PIWIL3: variants seen among roughly 807,000 people sequenced by gnomAD.
PIWIL3 encodes the protein piwi-like protein 3.
A neutral mutation model predicts 109.7 loss-of-function variants in PIWIL3; 101 were observed. That is an observed-to-expected ratio of 0.92 (90% CI 0.78 to 1.09). The LOEUF is 1.09. PIWIL3 is among the 50% of genes least tolerant of loss of function. The pLI is 0.00. For synonymous variants in PIWIL3, 373 were observed against 376.4 expected, an observed-to-expected ratio of 0.99 and a Z score of 0.10; for missense variants, 1,031 against 1,072.6, an observed-to-expected ratio of 0.96 and a Z score of 0.54.
intron 1 of PIWIL3, among the ~76,000 whole-genome samples, chr22:24,765,431 G>GT (rs1925730451): frequency 6.6e-6 from 1 of 152,210 alleles, no homozygotes; most frequent in Non-Finnish European, 1.5e-5. Context: ...CAGTGTTTTG[G>GT]TTCAGACACC....
rs1356397807 is a variant in PIWIL3 at position 24,763,139 on chromosome 22, CTT to C, written c.-22-620_-22-619del. ...ATAAAAGACAGGAGACCTGGTAAAA[CTT>C]TTTTTTCTTTTTTTTTTTTTTGAGA... On this transcript the variant is annotated intron_variant, in intron 1 of 20. Coordinates refer to ENST00000616349, the MANE Select transcript of PIWIL3 (RefSeq NM_001255975.1). Among the ~76,000 whole-genome samples, 6 of 128,564 alleles carry C rather than the reference CTT, an allele frequency of 4.7e-5. No homozygotes were observed. In the South Asian group the frequency reaches 1.6e-3, roughly 35 times the overall value. The allele number at this position is 128,564 out of a possible 152,430, so 84.3% of individuals were successfully genotyped here. A position where few individuals can be genotyped will look rare whatever the true frequency, so the allele number is the denominator to read the frequency against.
intron 5 of PIWIL3, 114 bp from the exon 6 acceptor site, chr22:24,756,019 G>C (rs1471066322): frequency 1.1e-5 from 13 of 1,139,810 alleles, no homozygotes; most frequent in Non-Finnish European, 1.6e-5. Context: ...TCGTGATGGA[G>C]CAGTCTTTCC....
chr22:24,739,517 T>C (rs1448897350), intron 12 of PIWIL3, among the ~76,000 whole-genome samples: 1 of 151,750 alleles, frequency 6.6e-6, no homozygotes, highest in African/African-American at 2.4e-5. Flanking sequence ...GCCATACAGA[T>C]CAGAAGAGAG....
At chr22:24,740,084 T>G (rs1000228458) in intron 12 of PIWIL3, among the ~76,000 whole-genome samples, 2 of 148,938 alleles carry the variant, frequency 1.3e-5, no homozygotes, top group Admixed American at 6.7e-5. Context: ...CCGGGCATGG[T>G]GACAGGCACC....
At chr22:24,743,683 G>T (rs577691799) in intron 12 of PIWIL3, among the ~76,000 whole-genome samples, 3 of 152,080 alleles carry the variant, frequency 2.0e-5, no homozygotes, top group Non-Finnish European at 2.9e-5. Flanking sequence ...GGATGGGAGG[G>T]GGTGATGGAT....
intron 6 of PIWIL3, 31 bp downstream of exon 6, chr22:24,755,753 G>A: frequency 6.2e-7 from 1 of 1,612,558 alleles, no homozygotes; most frequent in Non-Finnish European, 8.5e-7. Context: ...AACCGAATGA[G>A]TATCAAAGAA....
rs1924868887 is a variant in PIWIL3, at chr22:24,754,077, G to T, written c.914C>A (p.Ala305Asp). ...TTCCTCTCGGATGTTTCCTGTCTGG[G>T]CCTGGGCAGATGTTCTCTTTATGAA... ...YDFIKRTSAQAQTGNIREEVT... is the reference protein window; with the variant it reads ...YDFIKRTSAQDQTGNIREEVT... The change falls in exon 8 of 21, where the codon GCC (alanine) becomes GAC (aspartate). Residue 305 changes from alanine to aspartate, a missense_variant. Physicochemically the swap from Ala to Asp is moderately radical, Grantham distance 126. Coordinates refer to ENST00000616349, the MANE Select transcript of PIWIL3 (RefSeq NM_001255975.1). 2 of 1,612,912 alleles carry T rather than the reference G, an allele frequency of 1.2e-6. No homozygotes were observed. Among genetic ancestry groups the T allele is most frequent in the Admixed American group, 1.7e-5 (1 of 60,018 alleles).
At chr22:24,764,958 C>T (rs1925703014) in intron 1 of PIWIL3, among the ~76,000 whole-genome samples, 1 of 152,042 alleles carries the variant, frequency 6.6e-6, no homozygotes, top group Non-Finnish European at 1.5e-5. Flanking sequence ...GGGAGAGAGG[C>T]AACAAGTCTT....
chr22:24,766,299 T>TTTTTTGTTTTGTTTTGTTTTG (rs1396180185), intron 1 of PIWIL3, among the ~76,000 whole-genome samples: 12 of 151,470 alleles, frequency 7.9e-5, no homozygotes, highest in African/African-American at 2.4e-4. Context: ...GGTTTTTTGT[T>TTTTTTGTTTTGTTTTGTTTTG]TTTTTGTTTT....
At chr22:24,733,293 A>G (rs747241898) in intron 14 of PIWIL3, among the ~76,000 whole-genome samples, 1 of 152,226 alleles carries the variant, frequency 6.6e-6, no homozygotes, top group Non-Finnish European at 1.5e-5. Flanking sequence ...TAAAGAGCCC[A>G]AGAAAGAAAA....
rs572968539 is a variant in PIWIL3 at position 24,759,148 on chromosome 22, C to G, written c.223+721G>C. Among the ~76,000 whole-genome samples, 141 of 152,336 alleles carry G rather than the reference C, an allele frequency of 9.3e-4. 1 individual carries two copies. The highest frequency in any genetic ancestry group is 3.3e-3 in the African/African-American group (137 of 41,562). ...GCCTCAAGTGATCCACCCACCCGGG[C>G]CTCCCAAAGTGCTGATGTGAGCCAC... On this transcript the variant is annotated intron_variant, in intron 3 of 20. Coordinates refer to ENST00000616349, the MANE Select transcript of PIWIL3 (RefSeq NM_001255975.1).
intron 14 of PIWIL3, among the ~76,000 whole-genome samples, chr22:24,730,510 A>T (rs1426700271): frequency 2.0e-5 from 3 of 152,196 alleles, no homozygotes; most frequent in Non-Finnish European, 4.4e-5. Flanking sequence ...ACACACACAC[A>T]GTAGCTGCCA....
intron 13 of PIWIL3, among the ~76,000 whole-genome samples, chr22:24,734,430 G>A (rs1159539710): frequency 6.6e-6 from 1 of 152,180 alleles, no homozygotes; most frequent in Non-Finnish European, 1.5e-5. Flanking sequence ...GAGAGGTGAG[G>A]ACACAGGGCA....
At chr22:24,751,320 A>T (rs952295825) in intron 9 of PIWIL3, 67 bp downstream of exon 9, 1 of 1,454,292 alleles carries the variant, frequency 6.9e-7, no homozygotes, top group African/African-American at 1.4e-5. Context: ...CAAGTAGCTA[A>T]ATAACACAAA....
At chr22:24,748,759 AGT>A in intron 12 of PIWIL3, 146 bp downstream of exon 12, 1 of 596,644 alleles carries the variant, frequency 1.7e-6, no homozygotes, top group Non-Finnish European at 2.9e-6. Flanking sequence ...ATTCATTCTT[AGT>A]GTTTCTTATT....
At chr22:24,726,455 G>C (rs546413323) in intron 16 of PIWIL3, among the ~76,000 whole-genome samples, 1 of 151,942 alleles carries the variant, frequency 6.6e-6, no homozygotes, top group African/African-American at 2.4e-5. Context: ...GCTAATTTTT[G>C]TATTTTGTTT....
At chr22:24,750,167 C>T (rs202165812) in intron 9 of PIWIL3, among the ~76,000 whole-genome samples, 4 of 151,948 alleles carry the variant, frequency 2.6e-5, no homozygotes, top group African/African-American at 4.8e-5. Flanking sequence ...TACTGAAAAC[C>T]GTCAAGAGGA....
intron 6 of PIWIL3, 48 bp downstream of exon 6, chr22:24,755,736 G>A: frequency 4.3e-6 from 7 of 1,609,726 alleles, no homozygotes; most frequent in Non-Finnish European, 5.9e-6. Context: ...CCACTACACA[G>A]TAAAACAACC....
chr22:24,742,344 C>T (rs1233407865), intron 12 of PIWIL3, among the ~76,000 whole-genome samples: 2 of 151,390 alleles, frequency 1.3e-5, no homozygotes, highest in African/African-American at 4.9e-5. Context: ...AAATTCAGTG[C>T]AATTCCCATC....
Sources: gnomAD v4.1 joint callset for allele counts (sites outside exome capture counted in the v4.1 genomes callset) on GRCh38, gnomAD v4.1.1 for gene constraint, MANE v1.5 for transcripts, NCBI Gene and HGNC (gene_info 2026-07-23, HGNC 2026-07-21) for gene names.